The following HSD17B12 variants were observed in gnomAD, a reference collection of about 807,000 sequenced individuals.
HSD17B12 encodes the protein hydroxysteroid 17-beta dehydrogenase 12.
In HSD17B12, 32 loss-of-function variants were observed where a neutral mutation model predicts 39.3. The observed-to-expected ratio is 0.81, with a 90% CI of 0.61 to 1.09. HSD17B12 has a LOEUF of 1.09. HSD17B12 is among the 50% of genes least tolerant of loss of function. The probability of loss-of-function intolerance (pLI) is 0.00; values close to 1 mark genes in which losing one functional copy is unlikely to be tolerated. For missense variants in HSD17B12, 342 were observed against 382.9 expected, an observed-to-expected ratio of 0.89 and a Z score of 0.89; for synonymous variants, 150 against 146.7, an observed-to-expected ratio of 1.02 and a Z score of -0.16.
the HSD17B12 span, among the ~76,000 whole-genome samples, chr11:43,664,100 C>T: frequency 6.6e-6 from 1 of 152,068 alleles, no homozygotes; most frequent in African/African-American, 2.4e-5. Context: ...CTGCCTGCCT[C>T]AGCCTCCCAA....
At chr11:43,678,184 T>G (rs539514348), upstream of HSD17B12, among the ~76,000 whole-genome samples, 2 of 88,916 alleles carry the variant, frequency 2.2e-5, no homozygotes, top group Admixed American at 1.6e-4. Flanking sequence ...TGATGGCCAG[T>G]GATGATGAGC....
chr11:43,705,322 C>T (rs1950003142), intron 1 of HSD17B12, among the ~76,000 whole-genome samples: 1 of 152,128 alleles, frequency 6.6e-6, no homozygotes, highest in Non-Finnish European at 1.5e-5. Flanking sequence ...GTCTTATTAC[C>T]ATTATTCTTT....
the HSD17B12 span, among the ~76,000 whole-genome samples, chr11:43,648,022 A>G: frequency 6.6e-6 from 1 of 152,200 alleles, no homozygotes; most frequent in Admixed American, 6.5e-5. Flanking sequence ...TGTAGATTAA[A>G]AGATATTCAT....
chr11:43,785,848 A>C (rs561750401), intron 3 of HSD17B12, among the ~76,000 whole-genome samples: 1 of 152,286 alleles, frequency 6.6e-6, no homozygotes, highest in East Asian at 1.9e-4. Flanking sequence ...AACTTTATGC[A>C]TTGATCACTT....
intron 4 of HSD17B12, among the ~76,000 whole-genome samples, chr11:43,803,307 A>T (rs1267024065): frequency 6.6e-6 from 1 of 152,162 alleles, no homozygotes; most frequent in African/African-American, 2.4e-5. Flanking sequence ...TCTCTCCCGC[A>T]TCCCCATCCA....
At chr11:43,790,947 T>C (rs1286501832) in intron 3 of HSD17B12, among the ~76,000 whole-genome samples, 1 of 152,024 alleles carries the variant, frequency 6.6e-6, no homozygotes, top group Admixed American at 6.5e-5. Context: ...TGAGCCAAGA[T>C]TGCACCATTG....
At chr11:43,602,989 C>T in the HSD17B12 span, among the ~76,000 whole-genome samples, 4 of 152,068 alleles carry the variant, frequency 2.6e-5, no homozygotes, top group African/African-American at 9.7e-5. Context: ...TCAAAGCCTC[C>T]AGGAAGCTAT....
the HSD17B12 span, among the ~76,000 whole-genome samples, chr11:43,670,033 G>A: frequency 6.6e-6 from 1 of 152,240 alleles, no homozygotes; most frequent in Non-Finnish European, 1.5e-5. Context: ...AGCTGAAAGA[G>A]AAGTTGAACT....
upstream of HSD17B12, among the ~76,000 whole-genome samples, chr11:43,678,353 A>G (rs1949709560): frequency 6.6e-6 from 1 of 152,052 alleles, no homozygotes; most frequent in South Asian, 2.1e-4. Context: ...AGATGAGTAG[A>G]TTGCAAAAAT....
the HSD17B12 span, among the ~76,000 whole-genome samples, chr11:43,589,844 T>A: frequency 1.3e-5 from 2 of 152,216 alleles, no homozygotes; most frequent in African/African-American, 2.4e-5. Flanking sequence ...ATTAGCTGCA[T>A]GCCCTTGAGC....
At chr11:43,695,450 C>T (rs761001933) in intron 1 of HSD17B12, among the ~76,000 whole-genome samples, 6 of 151,686 alleles carry the variant, frequency 4.0e-5, no homozygotes, top group Non-Finnish European at 5.9e-5. Context: ...TGGTGGTGCA[C>T]GCCTGTAATC....
the HSD17B12 span, among the ~76,000 whole-genome samples, chr11:43,614,118 C>T: frequency 6.6e-6 from 1 of 152,238 alleles, no homozygotes; most frequent in Admixed American, 6.5e-5. Context: ...ATGCTCTTCA[C>T]TCCTTTGTTT....
intron 1 of HSD17B12, among the ~76,000 whole-genome samples, chr11:43,689,325 G>A (rs1044038308): frequency 2.0e-5 from 3 of 152,038 alleles, no homozygotes; most frequent in African/African-American, 7.2e-5. Context: ...ACAGACTCTT[G>A]TCTCTCTAAT....
the HSD17B12 span, among the ~76,000 whole-genome samples, chr11:43,562,557 T>C: frequency 2.0e-5 from 3 of 152,356 alleles, no homozygotes; most frequent in East Asian, 5.8e-4. Flanking sequence ...TTATTTTTTA[T>C]TATTATTTTA....
chr11:43,654,776 C>G, the HSD17B12 span, among the ~76,000 whole-genome samples: 1 of 152,124 alleles, frequency 6.6e-6, no homozygotes, highest in Non-Finnish European at 1.5e-5. Context: ...GGTACCAGTA[C>G]CATGCTGTTT....
In HSD17B12 at chr11:43,831,943, C is replaced by T. The variant is rs1951315053; in HGVS notation, c.536+933C>T. On this transcript the variant is annotated intron_variant, in intron 7 of 10. Coordinates refer to ENST00000278353, the MANE Select transcript of HSD17B12 (RefSeq NM_016142.3). This position sits in a 1 kb window ranked among gnomAD's most constrained non-coding sequence, Gnocchi z 4.1. ...GTGTTAACTCATTTAACTTTGATAGCCTCCCACCATTGTACAGATGAGGAA... is the reference window on the plus strand; with the variant it reads ...GTGTTAACTCATTTAACTTTGATAGTCTCCCACCATTGTACAGATGAGGAA... Among the ~76,000 whole-genome samples, 1 of 152,172 alleles carries T rather than the reference C, an allele frequency of 6.6e-6. No homozygotes were observed. The highest frequency in any genetic ancestry group is 1.5e-5 in the Non-Finnish European group (1 of 68,040).
the HSD17B12 span, among the ~76,000 whole-genome samples, chr11:43,615,428 A>G: frequency 2.0e-5 from 3 of 152,166 alleles, no homozygotes; most frequent in Non-Finnish European, 4.4e-5. Flanking sequence ...GAAGACTTCT[A>G]TGCATATTTC....
intron 1 of HSD17B12, among the ~76,000 whole-genome samples, chr11:43,707,695 A>G (rs967709655): frequency 5.9e-5 from 9 of 152,246 alleles, no homozygotes; most frequent in African/African-American, 1.9e-4. Flanking sequence ...CTAAAATAAC[A>G]TGCATAATTT....
chr11:43,761,275 A>G (rs1030703156), intron 3 of HSD17B12, among the ~76,000 whole-genome samples: 1 of 152,238 alleles, frequency 6.6e-6, no homozygotes, highest in Non-Finnish European at 1.5e-5. Context: ...TCTTACTGAG[A>G]CAATGCAAAT....
Sources: allele counts gnomAD v4.1 joint callset (sites outside exome capture counted in the v4.1 genomes callset), GRCh38; gene constraint gnomAD v4.1.1; non-coding constraint Gnocchi (gnomAD v3.1); transcripts MANE v1.5; gene names NCBI Gene and HGNC (gene_info 2026-07-23, HGNC 2026-07-21).